Variants in CACNA1D observed in about 807,000 individuals in gnomAD.
The protein encoded by CACNA1D is calcium voltage-gated channel subunit alpha1 D, also known as voltage-dependent L-type calcium channel subunit alpha-1D.
In CACNA1D, 55 loss-of-function variants were observed where a neutral mutation model predicts 257.1. That is an observed-to-expected ratio of 0.21 (90% confidence interval 0.17 to 0.27). The LOEUF (loss-of-function observed/expected upper bound fraction) is 0.27, where lower values mean the gene tolerates loss of function less well. Among genes scored for constraint, CACNA1D ranks in the 10% least tolerant of loss-of-function variants. The pLI is 1.00. For synonymous variants in CACNA1D, 980 were observed against 1,014.9 expected (o/e 0.97, Z 0.65); for missense variants, 1,876 against 2,784.0 (o/e 0.67, Z 7.34).
chr3:53,645,758 C>T (rs1576214566), intron 3 of CACNA1D, among the ~76,000 whole-genome samples: 1 of 152,086 alleles, frequency 6.6e-6, no homozygotes, highest in African/African-American at 2.4e-5. Flanking sequence ...CTAATTTTGT[C>T]TGGGAGGTCA....
At chr3:53,611,667 A>C (rs764698598) in intron 3 of CACNA1D, among the ~76,000 whole-genome samples, 2 of 152,202 alleles carry the variant, frequency 1.3e-5, no homozygotes, top group African/African-American at 2.4e-5. Context: ...CTTGTTCATA[A>C]GTCATTGAGT....
In CACNA1D at chr3:53,673,827, G is replaced by A. The variant is rs377334516; in HGVS notation, c.1220+701G>A. 167 of 1,568,010 alleles carry A rather than the reference G, an allele frequency of 1.1e-4. No individual in the cohort carries two copies. Among genetic ancestry groups the A allele is most frequent in the Non-Finnish European group, 1.4e-4 (154 of 1,138,164 alleles). On this transcript the variant is annotated intron_variant, in intron 8 of 47. Transcript: ENST00000350061. This position sits in a 1 kb window ranked among gnomAD's most constrained non-coding sequence, Gnocchi z 4.1. ...TGGTGTCCTTAGTGGGTAAGCAGTC[G>A]GATCCGTGTTGCACCTTCTCCTGCT...
intron 4 of CACNA1D, among the ~76,000 whole-genome samples, 190 bp downstream of exon 4, chr3:53,651,108 T>G (rs552278012): frequency 1.3e-5 from 2 of 152,254 alleles, no homozygotes; most frequent in Non-Finnish European, 2.9e-5. Context: ...AGATACTAGT[T>G]TGAAATTCTC....
At chr3:53,676,835 G>A (rs1304991189) in intron 8 of CACNA1D, among the ~76,000 whole-genome samples, 1 of 152,210 alleles carries the variant, frequency 6.6e-6, no homozygotes, top group Admixed American at 6.5e-5. Flanking sequence ...TTTATGAACT[G>A]TAAACCCTAT....
intron 3 of CACNA1D, among the ~76,000 whole-genome samples, chr3:53,567,164 G>A (rs945461811): frequency 2.0e-5 from 3 of 152,202 alleles, no homozygotes; most frequent in Admixed American, 2.0e-4. Context: ...TGGATGCATA[G>A]CATGGTGCCA....
chr3:53,600,700 A>G (rs573199770), intron 3 of CACNA1D, among the ~76,000 whole-genome samples: 6 of 152,308 alleles, frequency 3.9e-5, no homozygotes, highest in Admixed American at 2.6e-4. Context: ...CAATTATTGC[A>G]TGGAAGGATA....
At chr3:53,710,541 A>G (rs2094742442) in intron 9 of CACNA1D, 1 of 453,802 alleles carries the variant, frequency 2.2e-6, no homozygotes. Flanking sequence ...CCTTGCACAT[A>G]GGCATTGTGT....
intron 40 of CACNA1D, chr3:53,791,147 C>CA (rs2095480582): frequency 1.5e-6 from 1 of 653,700 alleles, no homozygotes; most frequent in Non-Finnish European, 2.8e-6. Flanking sequence ...CCCAAGGCCC[C>CA]AGGGAGACCC....
At chr3:53,746,409 G>A (rs573647394) in intron 25 of CACNA1D, among the ~76,000 whole-genome samples, 1 of 152,300 alleles carries the variant, frequency 6.6e-6, no homozygotes, top group African/African-American at 2.4e-5. Context: ...GCAGAGGAGA[G>A]ACAAGGTGGG....
At chr3:53,791,229 T>TC in intron 40 of CACNA1D, 1 of 554,272 alleles carries the variant, frequency 1.8e-6, no homozygotes, top group Non-Finnish European at 3.2e-6. Context: ...GGGCTGCCTG[T>TC]CGCGGACGTT....
rs2095597992 is a variant in CACNA1D at position 53,811,016 on chromosome 3, G to A, written c.6193-97G>A. The A allele has an allele frequency of 1.1e-6, 1 of 890,492 alleles. No homozygotes were observed. The highest frequency in any genetic ancestry group is 1.9e-6 in the Non-Finnish European group (1 of 521,696). 55.2% of individuals were successfully genotyped at this position (890,492 alleles called of 1,614,324 possible). On this transcript the variant is annotated intron_variant, in intron 47 of 47. Transcript: ENST00000350061. This position sits in a 1 kb window ranked among gnomAD's most constrained non-coding sequence, Gnocchi z 4.2. ...GAGCTGCATCCCCAAAGCACACGGT[G>A]CAGTTAAGTTAGCACTGGAGTTGAT...
intron 29 of CACNA1D, among the ~76,000 whole-genome samples, chr3:53,757,906 A>C (rs979909325): frequency 2.0e-5 from 3 of 152,140 alleles, no homozygotes; most frequent in Non-Finnish European, 4.4e-5. Flanking sequence ...CCTACTATGC[A>C]CCATCGTTAC....
At chr3:53,496,079 G>A (rs888952496) in intron 1 of CACNA1D, among the ~76,000 whole-genome samples, 1 of 152,208 alleles carries the variant, frequency 6.6e-6, no homozygotes, top group African/African-American at 2.4e-5. Flanking sequence ...CCGCTCGCCC[G>A]CTTTGCCCTC....
intron 7 of CACNA1D, among the ~76,000 whole-genome samples, chr3:53,667,996 A>G (rs150537461): frequency 6.6e-6 from 1 of 152,130 alleles, no homozygotes; most frequent in Non-Finnish European, 1.5e-5. Flanking sequence ...CATTTTTGCT[A>G]TTATTTCCTA....
chr3:53,695,111 G>C (rs1462016429), intron 8 of CACNA1D, among the ~76,000 whole-genome samples: 1 of 152,188 alleles, frequency 6.6e-6, no homozygotes, highest in Non-Finnish European at 1.5e-5. Context: ...GAGCGTGCCA[G>C]GCTGTTGCCC....
intron 3 of CACNA1D, among the ~76,000 whole-genome samples, chr3:53,607,503 G>C (rs1351974261): frequency 6.6e-6 from 1 of 152,218 alleles, no homozygotes; most frequent in Non-Finnish European, 1.5e-5. Flanking sequence ...ACAGGGAAAG[G>C]AGGCCATGAG....
At chr3:53,681,731 A>G (rs1289259011) in intron 8 of CACNA1D, among the ~76,000 whole-genome samples, 1 of 152,250 alleles carries the variant, frequency 6.6e-6, no homozygotes, top group Non-Finnish European at 1.5e-5. Flanking sequence ...ACTCGTATAA[A>G]TGCTTTGAAA....
intron 27 of CACNA1D, among the ~76,000 whole-genome samples, chr3:53,749,861 G>A (rs1165505328): frequency 1.3e-5 from 2 of 152,214 alleles, no homozygotes; most frequent in African/African-American, 4.8e-5. Context: ...TACCCTTGGT[G>A]CTATTAGCAT....
intron 45 of CACNA1D, among the ~76,000 whole-genome samples, chr3:53,805,648 C>G (rs1269954494): frequency 3.6e-4 from 54 of 152,012 alleles, no homozygotes; most frequent in Non-Finnish European, 1.5e-5. Context: ...GTCCATCTGT[C>G]CTCAGGCCCC....
Sources: allele counts gnomAD v4.1 joint callset (sites outside exome capture counted in the v4.1 genomes callset), GRCh38; gene constraint gnomAD v4.1.1; non-coding constraint Gnocchi (gnomAD v3.1); transcripts MANE v1.5; gene names NCBI Gene and HGNC (gene_info 2026-07-23, HGNC 2026-07-21).